GRM3: variants seen among roughly 807,000 people sequenced by gnomAD.
The protein encoded by GRM3 is metabotropic glutamate receptor 3.
A neutral mutation model predicts 70.5 loss-of-function variants in GRM3; 26 were observed. That is an observed-to-expected ratio of 0.37 (90% CI 0.27 to 0.51). The LOEUF (loss-of-function observed/expected upper bound fraction) is 0.51, where lower values mean the gene tolerates loss of function less well. Ranked by LOEUF, GRM3 falls within the 20% of genes least tolerant of loss-of-function variation. The pLI, the probability that GRM3 is intolerant of heterozygous loss-of-function variation, is 0.93. For missense variants in GRM3, 859 were observed against 1,123.8 expected (o/e 0.76, Z 3.37); for synonymous variants, 443 against 434.9 (o/e 1.02, Z -0.23).
At chr7:86,785,618 G>A (rs1439088657) in intron 2 of GRM3, among the ~76,000 whole-genome samples, 1 of 148,374 alleles carries the variant, frequency 6.7e-6, no homozygotes, top group Non-Finnish European at 1.5e-5. Flanking sequence ...GAAAATATTG[G>A]TCAAGATTTT....
intron 1 of GRM3, among the ~76,000 whole-genome samples, chr7:86,684,193 GT>G: frequency 6.6e-6 from 1 of 152,114 alleles, no homozygotes; most frequent in East Asian, 1.9e-4. Context: ...GAGTCATTTA[GT>G]TTTCGGCTCA....
At chr7:86,764,274 G>A (rs1796548733) in intron 1 of GRM3, among the ~76,000 whole-genome samples, 1 of 152,120 alleles carries the variant, frequency 6.6e-6, no homozygotes. Context: ...AATTTGAGAT[G>A]TTGTCAAGAT....
At chr7:86,675,805 A>G (rs1396456813) in intron 1 of GRM3, among the ~76,000 whole-genome samples, 1 of 151,986 alleles carries the variant, frequency 6.6e-6, no homozygotes, top group East Asian at 1.9e-4. Flanking sequence ...AATTTTCCAT[A>G]GATTCAAATG....
In GRM3 at chr7:86,757,939, G is replaced by A. The variant is rs538743839; in HGVS notation, c.-140-7067G>A. On this transcript the variant is annotated intron_variant, in intron 1 of 5. Transcript: ENST00000361669. ...GGTCACCAGGAATATGTGAATGATA[G>A]AAGTGATATCTTTGTAAAGACATGT... Among the ~76,000 whole-genome samples, 16 of 152,278 alleles carry A rather than the reference G, an allele frequency of 1.1e-4. No individual in the cohort carries two copies. In the South Asian group the frequency reaches 2.3e-3, roughly 22 times the overall value.
intron 1 of GRM3, among the ~76,000 whole-genome samples, chr7:86,737,531 G>T (rs533267570): frequency 6.6e-6 from 1 of 152,138 alleles, no homozygotes; most frequent in Non-Finnish European, 1.5e-5. Flanking sequence ...GGAATGAAAC[G>T]TAACACAGTA....
chr7:86,658,870 T>G (rs961879913), intron 1 of GRM3, among the ~76,000 whole-genome samples: 1 of 151,768 alleles, frequency 6.6e-6, no homozygotes, highest in Non-Finnish European at 1.5e-5. Context: ...AAAAAAGTAA[T>G]TAGGTCTTAT....
intron 1 of GRM3, among the ~76,000 whole-genome samples, 160 bp from the exon 2 acceptor site, chr7:86,764,846 G>T (rs943220580): frequency 6.6e-6 from 1 of 152,074 alleles, no homozygotes; most frequent in Non-Finnish European, 1.5e-5. Flanking sequence ...TGTAAGGATG[G>T]GGTGAGAATA....
At chr7:86,804,959 T>A (rs966428382) in intron 3 of GRM3, among the ~76,000 whole-genome samples, 1 of 152,056 alleles carries the variant, frequency 6.6e-6, no homozygotes, top group African/African-American at 2.4e-5. Context: ...AAATTTTTTT[T>A]CTTAATTAAC....
chr7:86,688,613 C>T (rs998795486), intron 1 of GRM3, among the ~76,000 whole-genome samples: 2 of 151,106 alleles, frequency 1.3e-5, no homozygotes, highest in African/African-American at 2.4e-5. Flanking sequence ...TTTAGAATGA[C>T]ATTAACCAAA....
intron 4 of GRM3, among the ~76,000 whole-genome samples, chr7:86,843,643 T>C (rs1332011328): frequency 6.6e-6 from 1 of 152,192 alleles, no homozygotes; most frequent in Non-Finnish European, 1.5e-5. Context: ...AATTCATTTA[T>C]AGTAATTACT....
intron 5 of GRM3, among the ~76,000 whole-genome samples, chr7:86,856,452 C>CAAA (rs572172399): frequency 4.4e-5 from 3 of 67,578 alleles, no homozygotes; most frequent in Admixed American, 1.7e-4. Flanking sequence ...TCGCCCTCTG[C>CAAA]AAAAAAAAAA....
intron 4 of GRM3, among the ~76,000 whole-genome samples, chr7:86,848,123 G>T (rs1798691812): frequency 6.6e-6 from 1 of 152,164 alleles, no homozygotes; most frequent in Non-Finnish European, 1.5e-5. Flanking sequence ...GTAGGCCCAT[G>T]AATTTATATG....
chr7:86,761,075 T>G (rs1456868167), intron 1 of GRM3, among the ~76,000 whole-genome samples: 1 of 152,170 alleles, frequency 6.6e-6, no homozygotes, highest in Non-Finnish European at 1.5e-5. Flanking sequence ...AGATGCATAC[T>G]TTTCTATCAC....
chr7:86,741,082 C>G (rs1487198798), intron 1 of GRM3, among the ~76,000 whole-genome samples: 1 of 152,188 alleles, frequency 6.6e-6, no homozygotes, highest in Non-Finnish European at 1.5e-5. Context: ...CCTGGACCAT[C>G]TCCACCCAGA....
chr7:86,767,048 C>CAAAAAT (rs1796616073), intron 2 of GRM3, among the ~76,000 whole-genome samples: 1 of 151,778 alleles, frequency 6.6e-6, no homozygotes, highest in African/African-American at 2.4e-5. Context: ...CTGTCTCTAT[C>CAAAAAT]AAAAATACAA....
At position 86,844,951 on chromosome 7, in the gene GRM3, G is replaced by A. The variant is rs375518310; in HGVS notation, c.2391+5046G>A. ...GTCACCCAGGCTAGAGGGCAATGGC[G>A]TGACCTTGGGTTCAGGCAACCTCTG... On this transcript the variant is annotated intron_variant, in intron 4 of 5. Transcript: ENST00000361669. 2.1e-4 allele frequency among the ~76,000 whole-genome samples: 32 copies of A among 152,036 alleles called. No homozygotes were observed. In the East Asian group the frequency reaches 2.7e-3, roughly 13 times the overall value.
chr7:86,714,093 C>G (rs534547683), intron 1 of GRM3, among the ~76,000 whole-genome samples: 2 of 152,034 alleles, frequency 1.3e-5, no homozygotes, highest in East Asian at 1.9e-4. Context: ...CCAGTCTCTA[C>G]TTCTCTCCCT....
intron 3 of GRM3, among the ~76,000 whole-genome samples, chr7:86,813,177 C>T (rs891135318): frequency 1.6e-4 from 24 of 151,752 alleles, no homozygotes; most frequent in South Asian, 8.3e-4. Context: ...CAGCTAAATG[C>T]GCAAAATTCT....
At chr7:86,812,475 G>A (rs1391398192) in intron 3 of GRM3, among the ~76,000 whole-genome samples, 5 of 151,746 alleles carry the variant, frequency 3.3e-5, no homozygotes, top group Non-Finnish European at 7.4e-5. Flanking sequence ...TTAACCAGGT[G>A]TTAATTCCAA....
Sources: allele counts gnomAD v4.1 joint callset (sites outside exome capture counted in the v4.1 genomes callset), GRCh38; gene constraint gnomAD v4.1.1; transcripts MANE v1.5; gene names NCBI Gene and HGNC (gene_info 2026-07-23, HGNC 2026-07-21).